The following CCNY variants were observed in gnomAD, a reference collection of about 807,000 sequenced individuals.
The protein encoded by CCNY is cyclin-Y.
CCNY carries 19 observed loss-of-function variants against 42.8 expected under a neutral mutation model. That is an observed-to-expected ratio of 0.44 (90% CI 0.31 to 0.65). CCNY has a LOEUF of 0.65. CCNY is among the 30% of genes least tolerant of loss of function. The probability of loss-of-function intolerance (pLI) is 0.07; values close to 1 mark genes in which losing one functional copy is unlikely to be tolerated. For synonymous variants in CCNY, 165 were observed against 162.7 expected (o/e 1.01, Z -0.11); for missense variants, 370 against 437.3 (o/e 0.85, Z 1.37).
intron 3 of CCNY, among the ~76,000 whole-genome samples, chr10:35,258,907 G>A (rs1481399450): frequency 6.7e-6 from 1 of 149,800 alleles, no homozygotes; most frequent in Non-Finnish European, 1.5e-5. Context: ...CTGCACTCCA[G>A]CCTGGGTGAC....
intron 3 of CCNY, among the ~76,000 whole-genome samples, chr10:35,287,968 TA>T (rs1467910322): frequency 1.3e-5 from 2 of 152,176 alleles, no homozygotes; most frequent in Admixed American, 1.3e-4. Context: ...TTTTCTTGGG[TA>T]AATACCTAGG....
chr10:35,415,584 T>A (rs1838005980), intron 1 of CCNY, among the ~76,000 whole-genome samples: 1 of 152,182 alleles, frequency 6.6e-6, no homozygotes, highest in Non-Finnish European at 1.5e-5. Context: ...CTTTCCTCAG[T>A]CTGCAGGGGA....
intron 7 of CCNY, among the ~76,000 whole-genome samples, chr10:35,531,231 C>T (rs1840763460): frequency 6.6e-6 from 1 of 152,170 alleles, no homozygotes; most frequent in Non-Finnish European, 1.5e-5. Flanking sequence ...ATGAGCTATC[C>T]TGGAGATCAG....
intron 1 of CCNY, among the ~76,000 whole-genome samples, chr10:35,376,383 A>G (rs1837052910): frequency 6.6e-6 from 1 of 152,258 alleles, no homozygotes; most frequent in Non-Finnish European, 1.5e-5. Context: ...ATTATTGGTG[A>G]TAGGCAAAAG....
intron 1 of CCNY, among the ~76,000 whole-genome samples, chr10:35,460,246 A>T (rs1374854201): frequency 6.6e-6 from 1 of 152,218 alleles, no homozygotes; most frequent in Non-Finnish European, 1.5e-5. Context: ...TCTCTCGTAT[A>T]TCTCTATTTA....
intron 3 of CCNY, among the ~76,000 whole-genome samples, chr10:35,319,703 G>A (rs1013988468): frequency 2.2e-4 from 33 of 152,044 alleles, no homozygotes; most frequent in African/African-American, 8.0e-4. Context: ...GTGAAACCCC[G>A]TCTCTACTAA....
chr10:35,328,630 T>C (rs1835905852), intron 3 of CCNY, among the ~76,000 whole-genome samples: 2 of 152,118 alleles, frequency 1.3e-5, no homozygotes, highest in South Asian at 4.1e-4. Context: ...AACTACAACT[T>C]CGTGTGATGG....
intron 3 of CCNY, among the ~76,000 whole-genome samples, chr10:35,262,199 C>A (rs970564409): frequency 4.4e-5 from 6 of 135,764 alleles, no homozygotes; most frequent in Non-Finnish European, 9.1e-5. Context: ...GAGGCGGAGG[C>A]TGCAGTGAGC....
intron 2 of CCNY, among the ~76,000 whole-genome samples, chr10:35,498,946 A>C (rs943064067): frequency 6.6e-6 from 1 of 152,212 alleles, no homozygotes; most frequent in African/African-American, 2.4e-5. Context: ...ATAGATTCAG[A>C]TAGCTTATCC....
chr10:35,405,452 CAG>C (rs1043037516), intron 1 of CCNY, among the ~76,000 whole-genome samples: 3 of 152,058 alleles, frequency 2.0e-5, no homozygotes, highest in Admixed American at 6.6e-5. Context: ...CAGGAATAAT[CAG>C]GGAAGCAGAT....
intron 1 of CCNY, among the ~76,000 whole-genome samples, chr10:35,386,390 A>T (rs12249464): frequency 6.6e-6 from 1 of 152,182 alleles, no homozygotes; most frequent in South Asian, 2.1e-4. Context: ...TTCTTAGAAG[A>T]TGGCAGGTGA....
At chr10:35,527,876 T>C (rs1224824202) in intron 5 of CCNY, among the ~76,000 whole-genome samples, 1 of 152,124 alleles carries the variant, frequency 6.6e-6, no homozygotes, top group East Asian at 1.9e-4. Context: ...ATAAAGGTGG[T>C]GTGGTGCTGT....
intron 1 of CCNY, among the ~76,000 whole-genome samples, chr10:35,449,386 C>T (rs1308129459): frequency 6.6e-6 from 1 of 151,894 alleles, no homozygotes; most frequent in Non-Finnish European, 1.5e-5. Context: ...TGAGATGTGG[C>T]CATTGAATTA....
intron 1 of CCNY, among the ~76,000 whole-genome samples, chr10:35,355,132 G>A (rs891280618): frequency 2.0e-5 from 3 of 152,120 alleles, no homozygotes; most frequent in Admixed American, 6.5e-5. Flanking sequence ...TTTGGGGTAC[G>A]GACATGAGTG....
intron 3 of CCNY, among the ~76,000 whole-genome samples, chr10:35,319,123 C>G (rs915581469): frequency 2.0e-5 from 3 of 152,144 alleles, no homozygotes; most frequent in Admixed American, 2.0e-4. Flanking sequence ...CCACCATGCC[C>G]CAGCTAATTT....
chr10:35,566,411 C>T (rs1350734172), intron 9 of CCNY: 2 of 474,086 alleles, frequency 4.2e-6, no homozygotes, highest in Non-Finnish European at 7.3e-6. Context: ...GTGGTGCGAT[C>T]TTGGCCCATT....
intron 3 of CCNY, among the ~76,000 whole-genome samples, chr10:35,328,239 G>A (rs921225452): frequency 1.3e-5 from 2 of 152,156 alleles, no homozygotes; most frequent in African/African-American, 4.8e-5. Context: ...CACTCGCTTT[G>A]ACCTGCCTCT....
Position 35,337,660 on chromosome 10 carries a change from T to C in CCNY, c.154+453T>C, listed in dbSNP as rs144285463. Among the ~76,000 whole-genome samples, 694 of 152,262 alleles carry C rather than the reference T, an allele frequency of 4.6e-3. 2 individuals are homozygous for C. The highest frequency in any genetic ancestry group is 8.1e-3 in the South Asian group (39 of 4,826). ...GAATCCCGGTGTCTCCAACCTCGAG[T>C]TGGAGAACCATGTTGAGTCAGTTCC... On this transcript the variant is annotated intron_variant, in intron 1 of 9. Coordinates refer to ENST00000374704, the MANE Select transcript of CCNY (RefSeq NM_145012.6).
At chr10:35,256,088 G>A (rs2095715264) in intron 3 of CCNY, among the ~76,000 whole-genome samples, 1 of 152,158 alleles carries the variant, frequency 6.6e-6, no homozygotes, top group African/African-American at 2.4e-5. Context: ...TTGTGTCTTT[G>A]GATCTAATAA....
Sources: gnomAD v4.1 joint callset for allele counts (sites outside exome capture counted in the v4.1 genomes callset) on GRCh38, gnomAD v4.1.1 for gene constraint, MANE v1.5 for transcripts, NCBI Gene and HGNC (gene_info 2026-07-23, HGNC 2026-07-21) for gene names.